The following MAGOH variants were observed in gnomAD, a reference collection of about 807,000 sequenced individuals.
MAGOH encodes mago homolog, exon junction complex subunit, also known as protein mago nashi homolog.
In MAGOH, 3 loss-of-function variants were observed where a neutral mutation model predicts 20.9. The observed-to-expected ratio is 0.14, with a 90% CI of 0.07 to 0.37. MAGOH has a LOEUF of 0.37. Ranked by LOEUF, MAGOH falls within the 10% of genes least tolerant of loss-of-function variation. The pLI is 1.00. For synonymous variants in MAGOH, 51 were observed against 61.0 expected, an observed-to-expected ratio of 0.84 and a Z score of 0.76; for missense variants, 66 against 178.1, an observed-to-expected ratio of 0.37 and a Z score of 3.58.
At chr1:53,238,323 C>T (rs1645627086) in intron 1 of MAGOH, 38 bp downstream of exon 1, 2 of 1,606,402 alleles carry the variant, frequency 1.2e-6, no homozygotes, top group Non-Finnish European at 8.5e-7. Flanking sequence ...GCCCCCAGGC[C>T]TGGTCCCCGC....
In MAGOH at chr1:53,226,950, A is replaced by G; in HGVS notation, c.*95T>C. On this transcript the variant is annotated 3_prime_UTR_variant, in exon 5 of 5. Coordinates refer to ENST00000371470, the MANE Select transcript of MAGOH (RefSeq NM_002370.4). ...ATTGGATTTTATCACATATTTATTA[A>G]AGACAATCATTTATAGTTCATAAAA... 1.5e-6 allele frequency: 1 copy of G among 653,874 alleles called. No homozygotes were observed. The highest frequency in any genetic ancestry group is 2.6e-6 in the Non-Finnish European group (1 of 378,530). 40.5% of individuals were successfully genotyped at this position (653,874 alleles called of 1,614,324 possible). A position where few individuals can be genotyped will look rare whatever the true frequency, so the allele number is the denominator to read the frequency against.
chr1:53,234,851 G>C (rs535218339), intron 2 of MAGOH, among the ~76,000 whole-genome samples: 23 of 152,316 alleles, frequency 1.5e-4, no homozygotes, highest in African/African-American at 5.5e-4. Context: ...TGGTTAAAAG[G>C]AAAGAGTAGC....
At chr1:53,231,904 C>G (rs144380590) in intron 3 of MAGOH, among the ~76,000 whole-genome samples, 2 of 152,168 alleles carry the variant, frequency 1.3e-5, no homozygotes, top group Admixed American at 1.3e-4. Flanking sequence ...TCCACAAAAA[C>G]GATACATATT....
At chr1:53,235,489 C>G in intron 2 of MAGOH, 88 bp downstream of exon 2, 1 of 1,116,786 alleles carries the variant, frequency 9.0e-7, no homozygotes, top group East Asian at 2.4e-5. Context: ...CTTTATCTTT[C>G]AATACTACTA....
chr1:53,235,843 C>T (rs1354021361), intron 1 of MAGOH, among the ~76,000 whole-genome samples: 1 of 152,210 alleles, frequency 6.6e-6, no homozygotes, highest in Non-Finnish European at 1.5e-5. Flanking sequence ...ACAGCTGAAA[C>T]TCAACTACTG....
At chr1:53,232,867 A>G (rs1290300146) in intron 3 of MAGOH, among the ~76,000 whole-genome samples, 1 of 152,180 alleles carries the variant, frequency 6.6e-6, no homozygotes, top group African/African-American at 2.4e-5. Context: ...TTGGGAGGGT[A>G]AGGCAGGCGG....
At position 53,228,887 on chromosome 1, in the gene MAGOH, T is replaced by A; in HGVS notation, c.326A>T (p.Asp109Val). ...GCACACTTACTTGGATTGATTGACA[T>A]CAATAAGGGAACCAATTTTTGATGT... Reference protein sequence around the residue: ...FTTSKIGSLIDVNQSKDPEGL... With the variant: ...FTTSKIGSLIVVNQSKDPEGL... Residue 109 changes from aspartate to valine, a missense_variant, in exon 4 of 5, where the codon GAT becomes GTT. Physicochemically the swap from Asp to Val is radical, Grantham distance 152 (BLOSUM62 -3). Transcript: ENST00000371470. 1 of 1,610,542 alleles carries A rather than the reference T, an allele frequency of 6.2e-7. No individual in the cohort carries two copies. The highest frequency in any genetic ancestry group is 8.5e-7 in the Non-Finnish European group (1 of 1,176,802).
chr1:53,235,702 A>T (rs1051337717), intron 1 of MAGOH, 67 bp from the exon 2 acceptor site: 1 of 1,325,600 alleles, frequency 7.5e-7, no homozygotes, highest in Admixed American at 1.8e-5. Context: ...ATACCATGCC[A>T]AGGCATCAGC....
chr1:53,233,403 T>G lies in MAGOH; in HGVS notation c.258+139A>C, dbSNP rs539480540. ...AGATTGTTGAAATAATTATGTTCTA[T>G]TTCTCTTTGTATCTCCACAATGCTT... On this transcript the variant is annotated intron_variant, in intron 3 of 4. Transcript: ENST00000371470. 4.1e-4 allele frequency: 236 copies of G among 580,928 alleles called. 1 individual carries two copies. The highest frequency in any genetic ancestry group is 1.4e-3 in the African/African-American group (78 of 54,216). The allele number at this position is 580,928 out of a possible 1,614,324, so 36.0% of individuals were successfully genotyped here. A position where few individuals can be genotyped will look rare whatever the true frequency, so the allele number is the denominator to read the frequency against.
intron 4 of MAGOH, among the ~76,000 whole-genome samples, chr1:53,227,711 G>C (rs1048780723): frequency 6.6e-6 from 1 of 151,936 alleles, no homozygotes; most frequent in African/African-American, 2.4e-5. Flanking sequence ...CTAATTTTTT[G>C]TATTTTTAGT....
At chr1:53,232,899 G>A (rs761619666) in intron 3 of MAGOH, among the ~76,000 whole-genome samples, 1 of 152,218 alleles carries the variant, frequency 6.6e-6, no homozygotes. Context: ...TCAGGAGTTT[G>A]AGACTAGCCT....
intron 4 of MAGOH, 71 bp from the exon 5 acceptor site, chr1:53,227,215 A>G: frequency 1.3e-6 from 1 of 745,690 alleles, no homozygotes; most frequent in Non-Finnish European, 2.2e-6. Context: ...AAAGGAAAAG[A>G]CTATATATTA....
chr1:53,237,496 G>A (rs1473859641), intron 1 of MAGOH, among the ~76,000 whole-genome samples: 2 of 150,530 alleles, frequency 1.3e-5, no homozygotes, highest in Admixed American at 6.6e-5. Context: ...CCAACATGGT[G>A]AAACTCCGTC....
At chr1:53,236,245 G>A (rs1355429309) in intron 1 of MAGOH, among the ~76,000 whole-genome samples, 1 of 152,220 alleles carries the variant, frequency 6.6e-6, no homozygotes, top group Non-Finnish European at 1.5e-5. Flanking sequence ...TATTCCAACA[G>A]CCTCTGTGCT....
In MAGOH at chr1:53,233,658, C is replaced by T. The variant is rs112792686; in HGVS notation, c.148-6G>A. 21 of 1,585,426 alleles carry T rather than the reference C, an allele frequency of 1.3e-5. No homozygotes were observed. Among genetic ancestry groups the T allele is most frequent in the African/African-American group, 6.7e-5 (5 of 74,224 alleles). ...ACGCTTTTATGTACATAAGCCTGAACGCAAGTTAAAAAACAAAATGTATGT... is the reference window on the plus strand; with the variant it reads ...ACGCTTTTATGTACATAAGCCTGAATGCAAGTTAAAAAACAAAATGTATGT... On this transcript the variant is annotated splice_region_variant and splice_polypyrimidine_tract_variant and intron_variant, in intron 2 of 4. Coordinates refer to ENST00000371470, the MANE Select transcript of MAGOH (RefSeq NM_002370.4).
intron 2 of MAGOH, 31 bp from the exon 3 acceptor site, chr1:53,233,683 T>C (rs1645597186): frequency 7.2e-7 from 1 of 1,392,268 alleles, no homozygotes; most frequent in Non-Finnish European, 1.0e-6. Context: ...AAAATGTATG[T>C]TGTATCCTTA....
At chr1:53,232,864 G>A (rs1205264585) in intron 3 of MAGOH, among the ~76,000 whole-genome samples, 1 of 152,190 alleles carries the variant, frequency 6.6e-6, no homozygotes, top group Non-Finnish European at 1.5e-5. Context: ...ACTTTGGGAG[G>A]GTAAGGCAGG....
At chr1:53,233,891 C>G (rs1188255613) in intron 2 of MAGOH, 8 of 363,918 alleles carry the variant, frequency 2.2e-5, no homozygotes, top group Non-Finnish European at 3.5e-5. Flanking sequence ...ATCCTGTTCA[C>G]ATGGCCCTTC....
In MAGOH at chr1:53,238,482, A is replaced by G. The variant is rs1269532843; in HGVS notation, c.-34T>C. ...AAAGACAACCGAGCCTGAACTTCCA[A>G]GAGCAAGCCGCACTGCCGCCGTCTG... On this transcript the variant is annotated 5_prime_UTR_variant, in exon 1 of 5. Transcript: ENST00000371470. 6.3e-7 allele frequency: 1 copy of G among 1,594,378 alleles called. No homozygotes were observed. The highest frequency in any genetic ancestry group is 1.1e-5 in the South Asian group (1 of 90,736).
Sources: allele counts gnomAD v4.1 joint callset (sites outside exome capture counted in the v4.1 genomes callset), GRCh38; gene constraint gnomAD v4.1.1; transcripts MANE v1.5; gene names NCBI Gene and HGNC (gene_info 2026-07-23, HGNC 2026-07-21).